Variants in FRMD4A observed in about 807,000 individuals in gnomAD.
The protein encoded by FRMD4A is FERM domain containing 4A, also known as FERM domain-containing protein 4A.
A neutral mutation model predicts 129.1 loss-of-function variants in FRMD4A; 29 were observed. That is an observed-to-expected ratio of 0.22 (90% confidence interval 0.17 to 0.31). FRMD4A has a LOEUF of 0.31. Ranked by LOEUF, FRMD4A falls within the 10% of genes least tolerant of loss-of-function variation. FRMD4A has a pLI of 1.00. For synonymous variants in FRMD4A, 634 were observed against 571.6 expected (o/e 1.11, Z -1.56); for missense variants, 1,272 against 1,375.8 (o/e 0.92, Z 1.19).
intron 6 of FRMD4A, among the ~76,000 whole-genome samples, chr10:13,780,837 T>G (rs1037533255): frequency 2.6e-5 from 4 of 152,116 alleles, no homozygotes; most frequent in African/African-American, 9.7e-5. Flanking sequence ...CACCTATAGG[T>G]ATATACCCTG....
chr10:14,234,154 ACATAG>A (rs1843723672), intron 2 of FRMD4A, among the ~76,000 whole-genome samples: 1 of 152,154 alleles, frequency 6.6e-6, no homozygotes, highest in African/African-American at 2.4e-5. Flanking sequence ...TGAACTCTTG[ACATAG>A]CATCTGTGAA....
chr10:14,165,095 A>G (rs925711242), intron 2 of FRMD4A, among the ~76,000 whole-genome samples: 2 of 152,216 alleles, frequency 1.3e-5, no homozygotes, highest in African/African-American at 4.8e-5. Flanking sequence ...AGGAGAAAAT[A>G]TTTGCAAACT....
At chr10:13,737,161 C>G (rs1325870842) in intron 12 of FRMD4A, among the ~76,000 whole-genome samples, 1 of 152,214 alleles carries the variant, frequency 6.6e-6, no homozygotes, top group Non-Finnish European at 1.5e-5. Context: ...GCAATCCTGG[C>G]TCACTGCAAT....
intron 2 of FRMD4A, among the ~76,000 whole-genome samples, chr10:13,899,801 C>T (rs1323799599): frequency 1.3e-5 from 2 of 152,174 alleles, no homozygotes; most frequent in African/African-American, 2.4e-5. Context: ...AATACACTGG[C>T]GGTCACAGGC....
chr10:14,248,703 G>T (rs796737186), intron 2 of FRMD4A, among the ~76,000 whole-genome samples: 17 of 152,238 alleles, frequency 1.1e-4, no homozygotes, highest in African/African-American at 3.6e-4. Context: ...GTTTACAATG[G>T]CCTCCAATGC....
At chr10:14,245,507 T>A (rs79990934) in intron 2 of FRMD4A, among the ~76,000 whole-genome samples, 9,796 of 152,178 alleles carry the variant, frequency 0.064, 392 homozygotes, top group Non-Finnish European at 0.09. Flanking sequence ...GTGGGCTGAA[T>A]TGTATCTCCC....
chr10:13,722,785 C>A (rs566297858), intron 12 of FRMD4A, among the ~76,000 whole-genome samples: 71 of 152,222 alleles, frequency 4.7e-4, no homozygotes, highest in Admixed American at 5.9e-4. Context: ...GGTATCCACG[C>A]TGGTTAGATA....
At chr10:14,011,789 A>C (rs1358402140) in intron 2 of FRMD4A, among the ~76,000 whole-genome samples, 3 of 152,114 alleles carry the variant, frequency 2.0e-5, no homozygotes, top group Admixed American at 2.0e-4. Context: ...TAGGTGGATC[A>C]CCTGAGGTCA....
intron 3 of FRMD4A, among the ~76,000 whole-genome samples, chr10:13,814,595 AAAAAAAAAAAAAG>A (rs869057592): frequency 1.1e-4 from 16 of 142,790 alleles, no homozygotes; most frequent in South Asian, 2.3e-4. Context: ...AAAAAAAAAA[AAAAAAAAAAAAAG>A]AAAGAAAGGG....
intron 2 of FRMD4A, among the ~76,000 whole-genome samples, chr10:14,123,331 C>T (rs1253289091): frequency 6.6e-6 from 1 of 152,184 alleles, no homozygotes; most frequent in Non-Finnish European, 1.5e-5. Flanking sequence ...TCCAGCTCTG[C>T]CCCAGCAGTA....
At chr10:13,984,551 T>C (rs1403933386) in intron 2 of FRMD4A, among the ~76,000 whole-genome samples, 1 of 152,156 alleles carries the variant, frequency 6.6e-6, no homozygotes, top group African/African-American at 2.4e-5. Context: ...CCCCTCTCCA[T>C]CTTCTGGTAA....
At chr10:13,933,140 A>AAGAAT (rs2095216534) in intron 2 of FRMD4A, among the ~76,000 whole-genome samples, 1 of 151,214 alleles carries the variant, frequency 6.6e-6, no homozygotes, top group African/African-American at 2.4e-5. Flanking sequence ...CAGCCTGGAC[A>AAGAAT]AGAGCAAAAC....
chr10:13,763,441 T>C (rs986215739), intron 6 of FRMD4A, among the ~76,000 whole-genome samples: 1 of 152,206 alleles, frequency 6.6e-6, no homozygotes, highest in Admixed American at 6.5e-5. Flanking sequence ...CCACATTTCT[T>C]TCATGTGCTC....
At chr10:13,724,067 G>C (rs1210224392) in intron 12 of FRMD4A, among the ~76,000 whole-genome samples, 2 of 152,230 alleles carry the variant, frequency 1.3e-5, no homozygotes, top group African/African-American at 4.8e-5. Flanking sequence ...TAAAGGAAGA[G>C]CATGTTCAAA....
chr10:13,650,341 A>G (rs1362783323), intron 24 of FRMD4A, among the ~76,000 whole-genome samples: 1 of 152,128 alleles, frequency 6.6e-6, no homozygotes, highest in African/African-American at 2.4e-5. Context: ...ATCCTGTCTT[A>G]CCTGGTCTGG....
At chr10:13,775,340 T>C (rs944520495) in intron 6 of FRMD4A, among the ~76,000 whole-genome samples, 2 of 152,232 alleles carry the variant, frequency 1.3e-5, no homozygotes, top group African/African-American at 4.8e-5. Flanking sequence ...AAGGATCCCA[T>C]TGTTGGGGAG....
intron 2 of FRMD4A, among the ~76,000 whole-genome samples, chr10:14,191,629 C>G (rs1212444778): frequency 1.3e-5 from 2 of 152,180 alleles, no homozygotes; most frequent in African/African-American, 4.8e-5. Context: ...ATTGCTATGG[C>G]ATCATAAAAG....
At chr10:14,015,884 A>T (rs1197355831) in intron 2 of FRMD4A, among the ~76,000 whole-genome samples, 1 of 152,214 alleles carries the variant, frequency 6.6e-6, no homozygotes, top group Non-Finnish European at 1.5e-5. Context: ...CTGGATGAAG[A>T]CAAAAGGACT....
intron 2 of FRMD4A, among the ~76,000 whole-genome samples, chr10:14,040,366 C>CT (rs1401754492): frequency 6.6e-6 from 1 of 151,736 alleles, no homozygotes; most frequent in Non-Finnish European, 1.5e-5. Flanking sequence ...TGTAGCAGGG[C>CT]TGTAGGGGTG....
Sources: allele counts gnomAD v4.1 joint callset (sites outside exome capture counted in the v4.1 genomes callset), GRCh38; gene constraint gnomAD v4.1.1; transcripts MANE v1.5; gene names NCBI Gene and HGNC (gene_info 2026-07-23, HGNC 2026-07-21).